Variants in VPS33A observed in about 807,000 individuals in gnomAD.
VPS33A encodes the protein VPS33A core subunit of CORVET and HOPS complexes, also known as vacuolar protein sorting-associated protein 33A.
Under a neutral mutation model 71.8 loss-of-function variants are expected in VPS33A, and 32 were observed. The observed-to-expected ratio is 0.45, with a 90% CI of 0.34 to 0.60. The LOEUF (loss-of-function observed/expected upper bound fraction) is 0.60, where lower values mean the gene tolerates loss of function less well. VPS33A is among the 20% of genes least tolerant of loss of function. The pLI, the probability that VPS33A is intolerant of heterozygous loss-of-function variation, is 0.02. For missense variants in VPS33A, 625 were observed against 748.5 expected (o/e 0.84, Z 1.92); for synonymous variants, 311 against 292.7 (o/e 1.06, Z -0.64).
chr12:122,249,761 G>A (rs1402465935), intron 6 of VPS33A, 110 bp downstream of exon 6: 13 of 1,077,754 alleles, frequency 1.2e-5, no homozygotes, highest in African/African-American at 4.9e-5. Flanking sequence ...CATTAAAATC[G>A]GATCTCTGAC....
Position 122,263,589 on chromosome 12 carries a change from G to T in VPS33A, c.279C>A (p.Ile93=). ...VRPRLELMDI[I]AENVLSEDRR... ...TGAGATACCTGAGCACGTTTTCAGCGATTATATCCATCAACTCTAGCCTGG... is the reference window on the plus strand; with the variant it reads ...TGAGATACCTGAGCACGTTTTCAGCTATTATATCCATCAACTCTAGCCTGG... The change falls in exon 3 of 13, where the codon ATC becomes ATA. Residue 93 remains isoleucine (I), a synonymous_variant. Transcript: ENST00000267199. The T allele has an allele frequency of 6.2e-7, 1 of 1,609,226 alleles. No individual in the cohort carries two copies. Among genetic ancestry groups the T allele is most frequent in the Non-Finnish European group, 8.5e-7 (1 of 1,177,414 alleles).
chr12:122,259,122 T>A (rs1457999992), intron 4 of VPS33A, among the ~76,000 whole-genome samples: 2 of 152,010 alleles, frequency 1.3e-5, no homozygotes, highest in African/African-American at 4.8e-5. Context: ...CCTCCAAATG[T>A]TAAATGCAGA....
chr12:122,239,038 C>A (rs1321631738), intron 9 of VPS33A, among the ~76,000 whole-genome samples: 3 of 151,720 alleles, frequency 2.0e-5, no homozygotes, highest in Admixed American at 1.3e-4. Flanking sequence ...AGTGATCAGG[C>A]CAAGTCACTG....
At chr12:122,251,219 G>A in intron 4 of VPS33A, 120 bp from the exon 5 acceptor site, 4 of 706,240 alleles carry the variant, frequency 5.7e-6, no homozygotes, top group Non-Finnish European at 7.1e-6. Context: ...TTCACACTGT[G>A]CCAGGAAAAT....
intron 4 of VPS33A, among the ~76,000 whole-genome samples, chr12:122,260,941 C>T (rs1485964509): frequency 6.6e-6 from 1 of 152,206 alleles, no homozygotes. Flanking sequence ...CGCCACTGCG[C>T]TCCAGCCCGG....
chr12:122,242,273 G>A (rs1367671751), intron 8 of VPS33A, 109 bp downstream of exon 8: 12 of 1,352,912 alleles, frequency 8.9e-6, no homozygotes, highest in African/African-American at 1.4e-5. Flanking sequence ...GTGGTATTAA[G>A]ACAGAGCTGA....
rs1954572541 is a variant in VPS33A at position 122,232,273 on chromosome 12, T to C, written c.1764A>G (p.Ile588Met). ...AGAAAGGTTTTTCCATCAGAGCCTC[T>C]ATCCAACTGGTTCCATTCATTAGTT... ...TTKLMNGTSW[I>M]EALMEKPF is the part of the protein sequence containing the mutation. The change falls in exon 13 of 13, where the codon ATA (isoleucine) becomes ATG (methionine). Residue 588 changes from isoleucine (I) to methionine (M), a missense_variant. By Grantham distance (10) the Ile-to-Met change is conservative. Transcript: ENST00000267199. 2 of 1,613,376 alleles carry C rather than the reference T, an allele frequency of 1.2e-6. No individual in the cohort carries two copies. The highest frequency in any genetic ancestry group is 1.7e-5 in the Admixed American group (1 of 59,856).
At chr12:122,266,124 C>A (rs1386826774) in intron 1 of VPS33A, among the ~76,000 whole-genome samples, 183 bp downstream of exon 1, 1 of 150,332 alleles carries the variant, frequency 6.7e-6, no homozygotes. Flanking sequence ...CCAGGCTGTA[C>A]GCCCAGGGCC....
At chr12:122,239,061 G>A (rs1436385561) in intron 9 of VPS33A, among the ~76,000 whole-genome samples, 2 of 151,742 alleles carry the variant, frequency 1.3e-5, no homozygotes, top group African/African-American at 2.4e-5. Flanking sequence ...GCCCAAGGCC[G>A]CTGAGAATAC....
rs149678467 is a variant in VPS33A at position 122,265,350 on chromosome 12, T to A, written c.102+957A>T. Among the ~76,000 whole-genome samples, 11 of 152,276 alleles carry A rather than the reference T, an allele frequency of 7.2e-5. No individual in the cohort carries two copies. The East Asian group carries it at 1.9e-3, about 27-fold the overall frequency. ...AGGACTTTTTGACACCATGAGTCATTGCTTTGGGCCCCTATGAGTATTTCT... is the reference window on the plus strand; with the variant it reads ...AGGACTTTTTGACACCATGAGTCATAGCTTTGGGCCCCTATGAGTATTTCT... On this transcript the variant is annotated intron_variant, in intron 1 of 12. Coordinates refer to ENST00000267199, the MANE Select transcript of VPS33A (RefSeq NM_022916.6).
rs370834153 is a variant in VPS33A at position 122,252,494 on chromosome 12, T to A, written c.484-1395A>T. On this transcript the variant is annotated intron_variant, in intron 4 of 12. Transcript: ENST00000267199. ...ACCATGTTAGCCCTGATGGTCTCGA[T>A]CTCCTGACCTCGTGATCCGCCCACC... Among the ~76,000 whole-genome samples the A allele has an allele frequency of 3.2e-4, 49 of 151,918 alleles. No individual in the cohort carries two copies. In the South Asian group the frequency reaches 9.8e-3, roughly 30 times the overall value.
Position 122,232,090 on chromosome 12 carries a change from G to T in VPS33A, c.*156C>A, listed in dbSNP as rs745495453. 4 of 669,244 alleles carry T rather than the reference G, an allele frequency of 6.0e-6. No individual in the cohort carries two copies. In the East Asian group the frequency reaches 8.8e-5, roughly 15 times the overall value. 41.5% of individuals were successfully genotyped at this position (669,244 alleles called of 1,614,324 possible). ...AAAAAAAAGGGAATACAAAAGAGAC[G>T]GAGAAAGCAGTAAACAGTAGTATAA... On this transcript the variant is annotated 3_prime_UTR_variant, in exon 13 of 13. Coordinates refer to ENST00000267199, the MANE Select transcript of VPS33A (RefSeq NM_022916.6).
chr12:122,244,457 T>C, intron 7 of VPS33A, 112 bp downstream of exon 7: 2 of 908,322 alleles, frequency 2.2e-6, no homozygotes, highest in Non-Finnish European at 3.2e-6. Context: ...TGAGAAAAGT[T>C]GCATTGAAGC....
intron 3 of VPS33A, 102 bp downstream of exon 3, chr12:122,263,470 C>T (rs1296981499): frequency 7.2e-7 from 1 of 1,398,482 alleles, no homozygotes; most frequent in Admixed American, 2.4e-5. Context: ...AAAAGACCAC[C>T]TTGCACTGGC....
chr12:122,255,427 T>G (rs542342205), intron 4 of VPS33A, among the ~76,000 whole-genome samples: 28 of 152,216 alleles, frequency 1.8e-4, no homozygotes, highest in Admixed American at 8.5e-4. Context: ...CCAAGAGGGT[T>G]GGGCGCAATG....
chr12:122,246,999 C>T (rs1440909788), intron 6 of VPS33A, among the ~76,000 whole-genome samples: 1 of 152,160 alleles, frequency 6.6e-6, no homozygotes, highest in Non-Finnish European at 1.5e-5. Context: ...ACTATTTGTA[C>T]AACCTGATTC....
At chr12:122,239,266 T>C (rs1357912414) in intron 9 of VPS33A, among the ~76,000 whole-genome samples, 2 of 152,262 alleles carry the variant, frequency 1.3e-5, no homozygotes, top group Admixed American at 6.5e-5. Context: ...AAAGGAGTTA[T>C]ATAAGAAACT....
At chr12:122,244,833 A>T (rs1566042968) in intron 6 of VPS33A, 71 bp from the exon 7 acceptor site, 1 of 1,487,094 alleles carries the variant, frequency 6.7e-7, no homozygotes, top group Non-Finnish European at 9.1e-7. Context: ...AACCAAGCAC[A>T]AAACAGAATT....
Position 122,242,299 on chromosome 12 carries a change from A to AT in VPS33A, c.1096+82dup, listed in dbSNP as rs544477589. The AT allele has an allele frequency of 1.6e-5, 24 of 1,533,588 alleles. No individual in the cohort carries two copies. The African/African-American group carries it at 2.9e-4, about 18-fold the overall frequency. 95.0% of individuals were successfully genotyped at this position (1,533,588 alleles called of 1,614,324 possible). On this transcript the variant is annotated intron_variant, in intron 8 of 12. Coordinates refer to ENST00000267199, the MANE Select transcript of VPS33A (RefSeq NM_022916.6). ...ACAGAGCTGACTCTCCCGAAGAGGC[A>AT]TTGTGGTGTTGATGACCTAGGTGTC... is the stretch of plus-strand genomic sequence containing the variant.
Sources: gnomAD v4.1 joint callset for allele counts (sites outside exome capture counted in the v4.1 genomes callset) on GRCh38, gnomAD v4.1.1 for gene constraint, MANE v1.5 for transcripts, NCBI Gene and HGNC (gene_info 2026-07-23, HGNC 2026-07-21) for gene names.